Variants in GPC5 observed in about 807,000 individuals in gnomAD.
The protein encoded by GPC5 is glypican 5, also known as glypican-5.
In GPC5, 47 loss-of-function variants were observed where a neutral mutation model predicts 53.9. The observed-to-expected ratio is 0.87, with a 90% CI of 0.69 to 1.11. GPC5 has a LOEUF of 1.11. GPC5 is among the 50% of genes most tolerant of loss of function. The pLI is 0.00. For missense variants in GPC5, 748 were observed against 713.1 expected, an observed-to-expected ratio of 1.05 and a Z score of -0.56; for synonymous variants, 286 against 263.3, an observed-to-expected ratio of 1.09 and a Z score of -0.84.
At chr13:91,728,807 T>A in intron 4 of GPC5, 142 bp downstream of exon 4, 1 of 898,912 alleles carries the variant, frequency 1.1e-6, no homozygotes, top group South Asian at 2.6e-5. Flanking sequence ...ACTTTAAAAA[T>A]CAGTGGCTGC....
In GPC5 at chr13:92,745,327, C is replaced by G. The variant is rs561752601; in HGVS notation, c.1562-120955C>G. Among the ~76,000 whole-genome samples, 4 of 152,208 alleles carry G rather than the reference C, an allele frequency of 2.6e-5. No homozygotes were observed. In the East Asian group the frequency reaches 7.7e-4, roughly 29 times the overall value. ...TAGCATCACTGATACTTCCAACACA[C>G]TGGGTGCATTTCTACAGCACACCTG... On this transcript the variant is annotated intron_variant, in intron 7 of 7. Transcript: ENST00000377067.
At chr13:92,846,346 G>A (rs746930274) in intron 7 of GPC5, among the ~76,000 whole-genome samples, 1 of 151,942 alleles carries the variant, frequency 6.6e-6, no homozygotes, top group Non-Finnish European at 1.5e-5. Context: ...ATTTGGGTGG[G>A]GACACAGAGC....
At chr13:92,795,954 C>G (rs1382740417) in intron 7 of GPC5, among the ~76,000 whole-genome samples, 2 of 152,070 alleles carry the variant, frequency 1.3e-5, no homozygotes, top group African/African-American at 4.8e-5. Context: ...GACAGTGTGG[C>G]AATTCCTCAA....
At chr13:91,435,188 C>A (rs1467956344) in intron 1 of GPC5, among the ~76,000 whole-genome samples, 1 of 152,118 alleles carries the variant, frequency 6.6e-6, no homozygotes, top group African/African-American at 2.4e-5. Flanking sequence ...TTTCCTTCTC[C>A]TGCCTGATTG....
At chr13:92,191,293 T>A (rs2042221152) in intron 7 of GPC5, among the ~76,000 whole-genome samples, 1 of 152,148 alleles carries the variant, frequency 6.6e-6, no homozygotes, top group Non-Finnish European at 1.5e-5. Flanking sequence ...CAACATCATA[T>A]GTCTTAAGAA....
intron 7 of GPC5, among the ~76,000 whole-genome samples, chr13:92,194,242 T>A (rs1349456225): frequency 6.6e-6 from 1 of 152,136 alleles, no homozygotes; most frequent in Non-Finnish European, 1.5e-5. Context: ...CTTGCCTGAA[T>A]TCACACAGTT....
rs553202036 is a variant in GPC5 at position 92,438,992 on chromosome 13, T to C, written c.1561+294003T>C. Among the ~76,000 whole-genome samples the C allele has an allele frequency of 4.6e-5, 7 of 152,284 alleles. No individual in the cohort carries two copies. In the East Asian group the frequency reaches 1.4e-3, roughly 29 times the overall value. ...TAGATGTTTATTATACAGTTGGATA[T>C]ACTGGTCTGGAGCTCAGATAAAAGA... On this transcript the variant is annotated intron_variant, in intron 7 of 7. Coordinates refer to ENST00000377067, the MANE Select transcript of GPC5 (RefSeq NM_004466.6).
intron 7 of GPC5, among the ~76,000 whole-genome samples, chr13:92,858,069 G>A (rs1287172714): frequency 1.3e-5 from 2 of 152,112 alleles, no homozygotes; most frequent in Non-Finnish European, 2.9e-5. Flanking sequence ...ACCAACTTAG[G>A]TGCCCATCAG....
intron 7 of GPC5, among the ~76,000 whole-genome samples, chr13:92,352,555 T>C (rs1272743203): frequency 6.6e-6 from 1 of 152,110 alleles, no homozygotes; most frequent in Non-Finnish European, 1.5e-5. Flanking sequence ...AAGACATAAG[T>C]AGATATTTTG....
chr13:91,479,664 T>A (rs1188171315), intron 2 of GPC5, among the ~76,000 whole-genome samples: 1 of 152,192 alleles, frequency 6.6e-6, no homozygotes, highest in African/African-American at 2.4e-5. Flanking sequence ...AGGAAATTAA[T>A]AAGTTCCCAG....
chr13:92,734,819 G>T (rs921707511), intron 7 of GPC5, among the ~76,000 whole-genome samples: 1 of 151,876 alleles, frequency 6.6e-6, no homozygotes, highest in Non-Finnish European at 1.5e-5. Flanking sequence ...ACAACACTTC[G>T]ATTCCAACAC....
chr13:91,812,017 T>C (rs2038319775), intron 5 of GPC5, among the ~76,000 whole-genome samples: 1 of 152,124 alleles, frequency 6.6e-6, no homozygotes. Context: ...TGAAACAAAA[T>C]ATATAGACTA....
At chr13:92,300,550 T>A (rs528542674) in intron 7 of GPC5, among the ~76,000 whole-genome samples, 1 of 152,258 alleles carries the variant, frequency 6.6e-6, no homozygotes, top group Admixed American at 6.5e-5. Flanking sequence ...TATGGATCAG[T>A]CAAGAGAAGT....
intron 7 of GPC5, among the ~76,000 whole-genome samples, chr13:92,500,514 G>A (rs961021275): frequency 6.6e-6 from 1 of 152,196 alleles, no homozygotes; most frequent in African/African-American, 2.4e-5. Flanking sequence ...ACATTCCTAT[G>A]TTAATCACCC....
intron 2 of GPC5, among the ~76,000 whole-genome samples, chr13:91,592,999 G>C (rs1021775812): frequency 6.6e-6 from 1 of 152,188 alleles, no homozygotes; most frequent in South Asian, 2.1e-4. Context: ...GAGCTGTGCT[G>C]TTCACAAAGG....
chr13:91,491,631 C>T (rs2139255837), intron 2 of GPC5, among the ~76,000 whole-genome samples: 1 of 152,224 alleles, frequency 6.6e-6, no homozygotes, highest in South Asian at 2.1e-4. Context: ...CAGAAGTCAG[C>T]AGGACTTCTT....
chr13:91,741,008 A>G (rs557431554), intron 4 of GPC5, among the ~76,000 whole-genome samples: 1 of 152,274 alleles, frequency 6.6e-6, no homozygotes, highest in Admixed American at 6.5e-5. Flanking sequence ...TCCAGCAAGC[A>G]TTCCAATTAG....
intron 7 of GPC5, among the ~76,000 whole-genome samples, chr13:92,622,103 C>G (rs890617483): frequency 1.2e-4 from 19 of 152,166 alleles, no homozygotes; most frequent in African/African-American, 4.3e-4. Flanking sequence ...GCCACAGCTT[C>G]CAGCCCTCTG....
chr13:91,702,495 A>G (rs2139861411), intron 3 of GPC5, among the ~76,000 whole-genome samples: 1 of 152,208 alleles, frequency 6.6e-6, no homozygotes, highest in East Asian at 1.9e-4. Context: ...ATTCTGTTCC[A>G]GTGGTCTGCA....
Sources: gnomAD v4.1 joint callset for allele counts (sites outside exome capture counted in the v4.1 genomes callset) on GRCh38, gnomAD v4.1.1 for gene constraint, MANE v1.5 for transcripts, NCBI Gene and HGNC (gene_info 2026-07-23, HGNC 2026-07-21) for gene names.